The following DIAPH3 variants were observed in gnomAD, a reference collection of about 807,000 sequenced individuals.
DIAPH3 encodes the protein protein diaphanous homolog 3.
A neutral mutation model predicts 144.3 loss-of-function variants in DIAPH3; 117 were observed. That is an observed-to-expected ratio of 0.81 (90% CI 0.70 to 0.95). DIAPH3 has a LOEUF of 0.95. Among genes scored for constraint, DIAPH3 ranks in the 40% least tolerant of loss-of-function variants. DIAPH3 has a pLI of 0.00. For missense variants in DIAPH3, 1,421 were observed against 1,412.7 expected (o/e 1.01, Z -0.09); for synonymous variants, 519 against 488.9 (o/e 1.06, Z -0.81).
At chr13:59,967,232 A>T (rs2050107790) in intron 17 of DIAPH3, among the ~76,000 whole-genome samples, 1 of 143,646 alleles carries the variant, frequency 7.0e-6, no homozygotes, top group African/African-American at 2.6e-5. Context: ...ATGCCTGGCT[A>T]TTTTTTTTTT....
intron 9 of DIAPH3, among the ~76,000 whole-genome samples, chr13:59,994,516 C>T (rs1031744702): frequency 2.6e-5 from 4 of 151,836 alleles, no homozygotes; most frequent in African/African-American, 9.7e-5. Context: ...GACATTTTGC[C>T]TGTCCAATGA....
At position 59,801,593 on chromosome 13, in the gene DIAPH3, G is replaced by T. The variant is rs531606588; in HGVS notation, c.3163+9195C>A. On this transcript the variant is annotated intron_variant, in intron 25 of 27. Transcript: ENST00000400324. ...GGCAATTCACTCTAGTCAGGCAATG[G>T]TCTCCAAGAATTGCTTGCTCTAAAG... 2.2e-4 allele frequency among the ~76,000 whole-genome samples: 34 copies of T among 152,280 alleles called. 1 individual carries two copies. Among genetic ancestry groups the T allele is most frequent in the Middle Eastern group, 3.4e-3 (1 of 294 alleles).
intron 5 of DIAPH3, among the ~76,000 whole-genome samples, chr13:60,027,903 C>T (rs573988720): frequency 7.9e-5 from 12 of 152,202 alleles, no homozygotes; most frequent in African/African-American, 2.6e-4. Flanking sequence ...TCAGGCTTTT[C>T]ACCGCTTGTC....
At chr13:60,006,669 A>G (rs560864943) in intron 9 of DIAPH3, among the ~76,000 whole-genome samples, 5 of 152,282 alleles carry the variant, frequency 3.3e-5, no homozygotes, top group African/African-American at 1.2e-4. Context: ...GGGAAGGGGG[A>G]GCTCAGAGAT....
chr13:59,716,187 T>C (rs1189908858), intron 27 of DIAPH3, among the ~76,000 whole-genome samples: 1 of 152,216 alleles, frequency 6.6e-6, no homozygotes, highest in East Asian at 1.9e-4. Flanking sequence ...AACTTATTTT[T>C]TTTTTGAGAA....
At chr13:59,837,476 A>C (rs543304486) in intron 23 of DIAPH3, among the ~76,000 whole-genome samples, 12 of 152,186 alleles carry the variant, frequency 7.9e-5, no homozygotes, top group African/African-American at 2.9e-4. Context: ...GGTTCTATAA[A>C]CCTGAGCTTC....
At chr13:59,775,195 CTTCTA>C (rs1189207092) in intron 25 of DIAPH3, among the ~76,000 whole-genome samples, 5 of 152,110 alleles carry the variant, frequency 3.3e-5, no homozygotes, top group African/African-American at 4.8e-5. Flanking sequence ...AAGGCATCAT[CTTCTA>C]TTCTAAAGTC....
chr13:59,921,233 A>C (rs2140287032), intron 18 of DIAPH3, among the ~76,000 whole-genome samples: 1 of 151,042 alleles, frequency 6.6e-6, no homozygotes, highest in Non-Finnish European at 1.5e-5. Context: ...AAAATATTAA[A>C]GATCCAAGCA....
chr13:59,761,045 A>G (rs2139188930), intron 27 of DIAPH3, among the ~76,000 whole-genome samples: 1 of 152,340 alleles, frequency 6.6e-6, no homozygotes, highest in Admixed American at 6.5e-5. Context: ...GCTAACACTA[A>G]TAATTTCTAA....
chr13:59,834,019 T>A (rs2041917554), intron 23 of DIAPH3, among the ~76,000 whole-genome samples: 1 of 150,962 alleles, frequency 6.6e-6, no homozygotes, highest in Non-Finnish European at 1.5e-5. Flanking sequence ...AATTTCTTTA[T>A]GCATTAGATT....
chr13:59,945,951 G>A (rs1008497171), intron 17 of DIAPH3, among the ~76,000 whole-genome samples: 1 of 152,118 alleles, frequency 6.6e-6, no homozygotes, highest in Non-Finnish European at 1.5e-5. Context: ...AAATGAAGAC[G>A]AACACTCTGG....
chr13:60,011,548 T>C (rs772901283), intron 7 of DIAPH3, among the ~76,000 whole-genome samples: 5 of 152,218 alleles, frequency 3.3e-5, no homozygotes, highest in African/African-American at 9.7e-5. Flanking sequence ...ATTGATGACA[T>C]TTCACTTCTT....
intron 24 of DIAPH3, among the ~76,000 whole-genome samples, chr13:59,827,254 A>C (rs867872318): frequency 3.3e-5 from 5 of 152,034 alleles, no homozygotes; most frequent in African/African-American, 4.8e-5. Context: ...CAACCTACAA[A>C]ATGAGAGAAA....
At chr13:59,736,400 C>A (rs1235584476) in intron 27 of DIAPH3, among the ~76,000 whole-genome samples, 9 of 152,154 alleles carry the variant, frequency 5.9e-5, no homozygotes, top group Non-Finnish European at 1.0e-4. Context: ...ATTTACACTT[C>A]CACCAGCTGT....
At position 59,970,058 on chromosome 13, in the gene DIAPH3, T is replaced by A; in HGVS notation, c.1960A>T (p.Ile654Phe). 1.3e-6 allele frequency: 2 copies of A among 1,567,040 alleles called. No homozygotes were observed. Among genetic ancestry groups the A allele is most frequent in the Non-Finnish European group, 1.8e-6 (2 of 1,142,768 alleles). Residue 654 changes from isoleucine to phenylalanine, a missense_variant and splice_region_variant, in exon 17 of 28, where the codon ATC becomes TTC. Coordinates refer to ENST00000400324, the MANE Select transcript of DIAPH3 (RefSeq NM_001042517.2). The stretch of plus-strand genomic sequence containing the variant: ...TTTTCAGTCATTTCATGAGGTCTGA[T>A]CTACAATCAGAGAGAAGACTGATTC... Reference protein sequence around the residue: ...ISMRRLNWLKIRPHEMTENCF... With the variant: ...ISMRRLNWLKFRPHEMTENCF...
intron 20 of DIAPH3, among the ~76,000 whole-genome samples, chr13:59,897,635 C>A (rs1039087957): frequency 1.3e-5 from 2 of 151,528 alleles, no homozygotes; most frequent in Non-Finnish European, 2.9e-5. Flanking sequence ...GTAATTGCAG[C>A]TACTCGTGAG....
At chr13:59,819,721 C>G (rs1266069151) in intron 24 of DIAPH3, among the ~76,000 whole-genome samples, 1 of 147,548 alleles carries the variant, frequency 6.8e-6, no homozygotes, top group Non-Finnish European at 1.5e-5. Context: ...AGAATGCCTT[C>G]AAGAATACAT....
rs117672810 is a variant in DIAPH3 at position 59,751,045 on chromosome 13, C to T, written c.3319+23144G>A. Among the ~76,000 whole-genome samples the T allele has an allele frequency of 2.4e-3, 369 of 152,342 alleles. 2 individuals carry two copies. In the East Asian group the frequency reaches 0.037, roughly 15 times the overall value. ...CAGCCGGTTGCCTTCAGCAGCAATG[C>T]TTTTGGGGGCACTGCGTGCTGTTCA... On this transcript the variant is annotated intron_variant, in intron 27 of 27. Transcript: ENST00000400324.
intron 27 of DIAPH3, among the ~76,000 whole-genome samples, chr13:59,757,401 T>C (rs1199930716): frequency 1.5e-5 from 2 of 134,374 alleles, no homozygotes; most frequent in Non-Finnish European, 3.2e-5. Flanking sequence ...CCTTTTTTTT[T>C]TTTTTTTTTT....
Sources: allele counts gnomAD v4.1 joint callset (sites outside exome capture counted in the v4.1 genomes callset), GRCh38; gene constraint gnomAD v4.1.1; transcripts MANE v1.5; gene names NCBI Gene and HGNC (gene_info 2026-07-23, HGNC 2026-07-21).